The following GRM8 variants were observed in gnomAD, a reference collection of about 807,000 sequenced individuals.
GRM8 encodes the protein metabotropic glutamate receptor 8.
In GRM8, 47 loss-of-function variants were observed where a neutral mutation model predicts 87.2. The observed-to-expected ratio is 0.54, with a 90% CI of 0.43 to 0.69. The LOEUF (loss-of-function observed/expected upper bound fraction) is 0.69, where lower values mean the gene tolerates loss of function less well. Among genes scored for constraint, GRM8 ranks in the 30% least tolerant of loss-of-function variants. The probability of loss-of-function intolerance (pLI) is 0.00; values close to 1 mark genes in which losing one functional copy is unlikely to be tolerated. For synonymous variants in GRM8, 396 were observed against 404.5 expected, an observed-to-expected ratio of 0.98 and a Z score of 0.25; for missense variants, 1,019 against 1,139.2, an observed-to-expected ratio of 0.89 and a Z score of 1.52.
chr7:127,154,041 A>G (rs2116135553), intron 2 of GRM8, among the ~76,000 whole-genome samples: 1 of 152,150 alleles, frequency 6.6e-6, no homozygotes, highest in South Asian at 2.1e-4. Context: ...ACCACCTTTG[A>G]GAGTAGCAGG....
intron 7 of GRM8, among the ~76,000 whole-genome samples, chr7:126,669,478 G>T (rs1427795935): frequency 1.3e-5 from 2 of 152,098 alleles, no homozygotes; most frequent in African/African-American, 4.8e-5. Context: ...TAATCTTTAA[G>T]AAATAAAAAC....
chr7:127,213,666 T>C (rs1371634606), intron 2 of GRM8, among the ~76,000 whole-genome samples: 1 of 152,186 alleles, frequency 6.6e-6, no homozygotes, highest in Non-Finnish European at 1.5e-5. Context: ...CTGGGTAATA[T>C]CTCATATTTA....
Position 126,446,313 on chromosome 7 carries a change from C to A in GRM8, c.2490G>T (p.Leu830=). ...AAACCTTGGGCATATAGAGCATGCC[C>A]AGAGATACTGAAGCACTTAAACTCA... is the stretch of plus-strand genomic sequence containing the variant. ...VSMSLSASVS[L]GMLYMPKVYI... is the part of the protein sequence containing the mutation. Residue 830 remains leucine (L), a synonymous_variant, in exon 10 of 11, where the codon CTG becomes CTT. Coordinates refer to ENST00000339582, the MANE Select transcript of GRM8 (RefSeq NM_000845.3). 1 of 1,610,680 alleles carries A rather than the reference C, an allele frequency of 6.2e-7. No individual in the cohort carries two copies. Among genetic ancestry groups the A allele is most frequent in the Non-Finnish European group, 8.5e-7 (1 of 1,177,734 alleles).
At chr7:127,104,822 A>T (rs1015743204) in intron 3 of GRM8, among the ~76,000 whole-genome samples, 1 of 152,254 alleles carries the variant, frequency 6.6e-6, no homozygotes, top group Non-Finnish European at 1.5e-5. Flanking sequence ...TCCCTAAAAA[A>T]TAAAAACTAA....
At chr7:126,528,463 T>A in intron 9 of GRM8, among the ~76,000 whole-genome samples, 1 of 152,306 alleles carries the variant, frequency 6.6e-6, no homozygotes, top group Non-Finnish European at 1.5e-5. Context: ...CTTGCCCTCA[T>A]GGGTAACAGC....
At chr7:126,682,550 AC>A (rs990539703) in intron 7 of GRM8, among the ~76,000 whole-genome samples, 8 of 152,162 alleles carry the variant, frequency 5.3e-5, no homozygotes, top group African/African-American at 1.9e-4. Flanking sequence ...ACTCTTATTC[AC>A]TAAGACAGGG....
At chr7:126,633,305 T>G (rs1801526433) in intron 7 of GRM8, among the ~76,000 whole-genome samples, 1 of 152,036 alleles carries the variant, frequency 6.6e-6, no homozygotes, top group Non-Finnish European at 1.5e-5. Context: ...AGTTCACCAG[T>G]GAGTCCAGTT....
intron 2 of GRM8, among the ~76,000 whole-genome samples, chr7:127,174,491 T>C (rs1404530008): frequency 6.6e-6 from 1 of 152,216 alleles, no homozygotes; most frequent in Non-Finnish European, 1.5e-5. Context: ...TTGGTCCTCT[T>C]GGTCCTCAAA....
chr7:127,009,375 A>G (rs1814647498), intron 3 of GRM8, among the ~76,000 whole-genome samples: 1 of 152,160 alleles, frequency 6.6e-6, no homozygotes. Context: ...TTTGTTCCAT[A>G]AGACGCTAAA....
intron 7 of GRM8, among the ~76,000 whole-genome samples, chr7:126,671,292 T>G (rs1806361459): frequency 1.3e-5 from 2 of 152,332 alleles, no homozygotes; most frequent in Middle Eastern, 3.4e-3. Flanking sequence ...TGGCTGGGCT[T>G]GGCTTTAAAA....
chr7:127,199,930 A>G (rs1220703952), intron 2 of GRM8, among the ~76,000 whole-genome samples: 2 of 152,206 alleles, frequency 1.3e-5, no homozygotes, highest in Non-Finnish European at 2.9e-5. Flanking sequence ...TTTTGCGGAT[A>G]TATGTCAAAT....
chr7:126,637,803 T>A (rs553117351), intron 7 of GRM8, among the ~76,000 whole-genome samples: 10 of 152,284 alleles, frequency 6.6e-5, no homozygotes, highest in African/African-American at 2.4e-4. Context: ...ATCATTACCA[T>A]CTGCCCCTAA....
chr7:127,061,423 A>G (rs17865085), intron 3 of GRM8, among the ~76,000 whole-genome samples: 2 of 152,226 alleles, frequency 1.3e-5, no homozygotes, highest in African/African-American at 4.8e-5. Flanking sequence ...AACCAAAAAA[A>G]TACATTAACA....
chr7:126,658,963 T>C (rs1804838668), intron 7 of GRM8, among the ~76,000 whole-genome samples: 1 of 152,118 alleles, frequency 6.6e-6, no homozygotes, highest in South Asian at 2.1e-4. Flanking sequence ...TACAGTCATT[T>C]ATTCAGTACA....
At chr7:126,950,660 C>T (rs1808042687) in intron 3 of GRM8, among the ~76,000 whole-genome samples, 1 of 152,064 alleles carries the variant, frequency 6.6e-6, no homozygotes, top group Non-Finnish European at 1.5e-5. Flanking sequence ...CCAGTTTTAG[C>T]TTCCATGTTC....
chr7:127,088,101 C>T (rs768401546), intron 3 of GRM8, among the ~76,000 whole-genome samples: 1 of 152,200 alleles, frequency 6.6e-6, no homozygotes, highest in Non-Finnish European at 1.5e-5. Flanking sequence ...CTATTTCTCT[C>T]CTTTTTGCCA....
At chr7:127,095,812 A>C (rs1824594526) in intron 3 of GRM8, 1 of 152,168 alleles carries the variant, frequency 6.6e-6, no homozygotes, top group Non-Finnish European at 1.5e-5. Context: ...AGATCACATG[A>C]ATTTGTAATT....
chr7:126,740,105 G>C (rs1814776404), intron 7 of GRM8, among the ~76,000 whole-genome samples: 1 of 152,038 alleles, frequency 6.6e-6, no homozygotes, highest in Admixed American at 6.6e-5. Context: ...ATTGGTCTGA[G>C]AGATCCCAAA....
At chr7:126,962,073 T>C (rs1051027221) in intron 3 of GRM8, among the ~76,000 whole-genome samples, 8 of 152,238 alleles carry the variant, frequency 5.3e-5, no homozygotes, top group South Asian at 4.1e-4. Context: ...TGTTCATATA[T>C]ACAATGTTCA....
Sources: gnomAD v4.1 joint callset for allele counts (sites outside exome capture counted in the v4.1 genomes callset) on GRCh38, gnomAD v4.1.1 for gene constraint, MANE v1.5 for transcripts, NCBI Gene and HGNC (gene_info 2026-07-23, HGNC 2026-07-21) for gene names.